CCDC178: variants seen among roughly 807,000 people sequenced by gnomAD.
The protein encoded by CCDC178 is coiled-coil domain-containing protein 178.
CCDC178 carries 126 observed loss-of-function variants against 117.4 expected under a neutral mutation model. That is an observed-to-expected ratio of 1.07 (90% CI 0.93 to 1.24). The LOEUF (loss-of-function observed/expected upper bound fraction) is 1.24, where lower values mean the gene tolerates loss of function less well. CCDC178 is among the 50% of genes most tolerant of loss of function. The pLI is 0.00. For synonymous variants in CCDC178, 283 were observed against 313.4 expected (o/e 0.90, Z 1.02); for missense variants, 1,030 against 986.9 (o/e 1.04, Z -0.59).
intron 11 of CCDC178, among the ~76,000 whole-genome samples, chr18:33,298,584 C>G (rs930600580): frequency 1.3e-5 from 2 of 152,116 alleles, no homozygotes; most frequent in African/African-American, 4.8e-5. Context: ...ACAAGGACGT[C>G]CAGTCTCAGC....
chr18:33,158,074 T>C (rs927961614), intron 20 of CCDC178, among the ~76,000 whole-genome samples: 1 of 152,170 alleles, frequency 6.6e-6, no homozygotes, highest in African/African-American at 2.4e-5. Flanking sequence ...AGCTTCTTGA[T>C]AGTAGTGTTT....
intron 21 of CCDC178, among the ~76,000 whole-genome samples, chr18:33,020,866 A>G (rs2056102912): frequency 6.6e-6 from 1 of 152,180 alleles, no homozygotes; most frequent in African/African-American, 2.4e-5. Context: ...CCTAGTGTGC[A>G]CTACTATTAT....
chr18:33,398,724 AT>A (rs2063672238), intron 3 of CCDC178, among the ~76,000 whole-genome samples: 1 of 152,214 alleles, frequency 6.6e-6, no homozygotes, highest in Non-Finnish European at 1.5e-5. Flanking sequence ...GAATACAAGC[AT>A]ACCTCGGAGA....
chr18:33,126,783 C>G (rs550445343), intron 20 of CCDC178, among the ~76,000 whole-genome samples: 1 of 151,844 alleles, frequency 6.6e-6, no homozygotes, highest in South Asian at 2.1e-4. Context: ...CTCAGCCTCC[C>G]GAGTAGCTGG....
intron 15 of CCDC178, among the ~76,000 whole-genome samples, chr18:33,230,852 A>T (rs117362748): frequency 3.9e-4 from 59 of 152,348 alleles, no homozygotes; most frequent in Non-Finnish European, 7.6e-4. Context: ...CTGAAGGAAG[A>T]CTGCCTTCTC....
intron 2 of CCDC178, among the ~76,000 whole-genome samples, chr18:33,417,535 TACACACAC>T (rs60345049): frequency 6.1e-5 from 9 of 148,192 alleles, no homozygotes; most frequent in Admixed American, 6.8e-5. Context: ...CAGAGCTGTA[TACACACAC>T]ACACACACAC....
At chr18:33,260,898 AC>A in intron 14 of CCDC178, among the ~76,000 whole-genome samples, 1 of 151,834 alleles carries the variant, frequency 6.6e-6, no homozygotes, top group South Asian at 2.1e-4. Context: ...TGGACTTTCT[AC>A]TCATTTCCAC....
chr18:33,360,632 C>A (rs1044113605), intron 6 of CCDC178, among the ~76,000 whole-genome samples: 10 of 151,564 alleles, frequency 6.6e-5, no homozygotes, highest in African/African-American at 2.4e-4. Context: ...CACAAAAAAA[C>A]CTGTTAGAAC....
At chr18:32,993,149 G>C (rs1444353420) in intron 21 of CCDC178, among the ~76,000 whole-genome samples, 1 of 152,090 alleles carries the variant, frequency 6.6e-6, no homozygotes, top group Non-Finnish European at 1.5e-5. Context: ...CTGGGCAACA[G>C]AATGAAACTC....
intron 20 of CCDC178, among the ~76,000 whole-genome samples, chr18:33,183,421 A>G (rs2058753766): frequency 6.6e-6 from 1 of 152,086 alleles, no homozygotes; most frequent in Non-Finnish European, 1.5e-5. Flanking sequence ...AACCCTCATC[A>G]GACAAGTAGC....
chr18:33,382,647 TACTAC>T (rs1280661712), intron 5 of CCDC178, among the ~76,000 whole-genome samples: 1 of 151,902 alleles, frequency 6.6e-6, no homozygotes, highest in Non-Finnish European at 1.5e-5. Context: ...CCAGCGGGGG[TACTAC>T]ACTTTTCCTA....
chr18:33,192,616 A>G (rs908596251), intron 20 of CCDC178, among the ~76,000 whole-genome samples: 15 of 152,152 alleles, frequency 9.9e-5, no homozygotes, highest in Non-Finnish European at 1.8e-4. Flanking sequence ...AATCCTCTCT[A>G]TGGGCCCTGC....
intron 21 of CCDC178, among the ~76,000 whole-genome samples, chr18:32,992,682 A>G (rs1483376956): frequency 6.6e-6 from 1 of 152,206 alleles, no homozygotes; most frequent in African/African-American, 2.4e-5. Context: ...CAAAAAAGTG[A>G]TAAGTTGGTG....
chr18:33,075,327 C>T (rs531086741), intron 21 of CCDC178, among the ~76,000 whole-genome samples: 10 of 152,042 alleles, frequency 6.6e-5, no homozygotes, highest in Non-Finnish European at 8.8e-5. Context: ...AAACATTTTG[C>T]CTATGTTTAT....
chr18:33,151,483 C>T (rs2058340705), intron 20 of CCDC178, among the ~76,000 whole-genome samples: 1 of 151,904 alleles, frequency 6.6e-6, no homozygotes, highest in African/African-American at 2.4e-5. Context: ...CATAAAAAAG[C>T]AAACGAAGTT....
At chr18:33,106,759 A>C (rs1279815930) in intron 20 of CCDC178, among the ~76,000 whole-genome samples, 3 of 151,678 alleles carry the variant, frequency 2.0e-5, no homozygotes, top group African/African-American at 7.2e-5. Context: ...ACTAATCTCG[A>C]GTTCTTAAAA....
At chr18:33,157,872 C>T (rs931969219) in intron 20 of CCDC178, among the ~76,000 whole-genome samples, 1 of 152,128 alleles carries the variant, frequency 6.6e-6, no homozygotes, top group Non-Finnish European at 1.5e-5. Context: ...ATGAGGCTAA[C>T]ACTTGTCATG....
intron 6 of CCDC178, among the ~76,000 whole-genome samples, chr18:33,362,826 T>G (rs2063149085): frequency 6.6e-6 from 1 of 151,964 alleles, no homozygotes; most frequent in Non-Finnish European, 1.5e-5. Flanking sequence ...GTGAACATGC[T>G]TTGGAGCTAA....
At chr18:33,165,895 CAATG>C (rs2040101448) in intron 20 of CCDC178, among the ~76,000 whole-genome samples, 2 of 151,996 alleles carry the variant, frequency 1.3e-5, no homozygotes, top group African/African-American at 4.8e-5. Flanking sequence ...ATTTTACTTT[CAATG>C]GAAAAAAAAG....
Sources: allele counts gnomAD v4.1 joint callset (sites outside exome capture counted in the v4.1 genomes callset), GRCh38; gene constraint gnomAD v4.1.1; transcripts MANE v1.5; gene names NCBI Gene and HGNC (gene_info 2026-07-23, HGNC 2026-07-21).